IPP: variants seen among roughly 807,000 people sequenced by gnomAD.
The protein encoded by IPP is intracisternal A particle-promoted polypeptide.
A neutral mutation model predicts 64.1 loss-of-function variants in IPP; 41 were observed. That is an observed-to-expected ratio of 0.64 (90% confidence interval 0.50 to 0.83). The LOEUF (loss-of-function observed/expected upper bound fraction) is 0.83, where lower values mean the gene tolerates loss of function less well. IPP is among the 40% of genes least tolerant of loss of function. The pLI is 0.00. For missense variants in IPP, 649 were observed against 703.0 expected (o/e 0.92, Z 0.87); for synonymous variants, 214 against 235.2 (o/e 0.91, Z 0.83).
intron 8 of IPP, among the ~76,000 whole-genome samples, chr1:45,713,526 CT>C (rs1313850512): frequency 1.3e-5 from 2 of 151,196 alleles, no homozygotes; most frequent in Non-Finnish European, 2.9e-5. Context: ...TGCCACTGCA[CT>C]CCAGCTTGGG....
chr1:45,700,875 AT>A (rs1645441956), intron 8 of IPP, among the ~76,000 whole-genome samples: 1 of 152,194 alleles, frequency 6.6e-6, no homozygotes, highest in African/African-American at 2.4e-5. Context: ...AAACCAAAGG[AT>A]TTTTTAAAAG....
At chr1:45,740,397 G>A (rs1322562798) in intron 3 of IPP, among the ~76,000 whole-genome samples, 11 of 152,276 alleles carry the variant, frequency 7.2e-5, no homozygotes, top group South Asian at 2.1e-4. Context: ...CAGTAGGGGC[G>A]GCCGGGCAGA....
At chr1:45,728,126 C>G (rs913801774) in intron 4 of IPP, among the ~76,000 whole-genome samples, 2 of 132,234 alleles carry the variant, frequency 1.5e-5, no homozygotes, top group Non-Finnish European at 3.2e-5. Flanking sequence ...GAGTTGAAAG[C>G]TGTGTGTGTG....
chr1:45,714,806 T>TA (rs34910635), intron 7 of IPP, among the ~76,000 whole-genome samples: 109,234 of 152,004 alleles, frequency 0.72, 39,388 homozygotes, highest in African/African-American at 0.76. Flanking sequence ...TTTTTTTCCC[T>TA]AAAAATGTCA....
intron 5 of IPP, among the ~76,000 whole-genome samples, chr1:45,719,748 C>T (rs1394624886): frequency 3.3e-5 from 5 of 152,098 alleles, no homozygotes; most frequent in Admixed American, 2.0e-4. Context: ...TTTTTGGAGA[C>T]GGAGTCTCGC....
intron 8 of IPP, among the ~76,000 whole-genome samples, chr1:45,702,508 G>A (rs534605799): frequency 6.6e-6 from 1 of 152,296 alleles, no homozygotes; most frequent in East Asian, 1.9e-4. Context: ...AGGCTGGAGT[G>A]CAGTGACATG....
chr1:45,732,730 G>A (rs1210718296), intron 3 of IPP, among the ~76,000 whole-genome samples: 1 of 151,998 alleles, frequency 6.6e-6, no homozygotes, highest in Non-Finnish European at 1.5e-5. Context: ...GCAGTGGTGC[G>A]ATCTCAGCTC....
At chr1:45,736,951 G>A (rs1645989635) in intron 3 of IPP, among the ~76,000 whole-genome samples, 1 of 149,378 alleles carries the variant, frequency 6.7e-6, no homozygotes, top group African/African-American at 2.5e-5. Flanking sequence ...GCTGAGGCAG[G>A]AGAACGGCAT....
rs1451791201 is a variant in IPP, at chr1:45,699,381, A to G, written c.*585T>C. 8 of 985,002 alleles carry G rather than the reference A, an allele frequency of 8.1e-6. No individual in the cohort carries two copies. The East Asian group carries it at 7.9e-4, about 98-fold the overall frequency. 61.0% of individuals were successfully genotyped at this position (985,002 alleles called of 1,614,324 possible). A position where few individuals can be genotyped will look rare whatever the true frequency, so the allele number is the denominator to read the frequency against. On this transcript the variant is annotated 3_prime_UTR_variant, in exon 9 of 9. Coordinates refer to ENST00000396478, the MANE Select transcript of IPP (RefSeq NM_005897.3). ...TATAATTGTGAATATAGAGGTCTTT[A>G]AACTGTGTCATTGACACTATTCCTA...
chr1:45,740,822 T>G, intron 3 of IPP, 79 bp downstream of exon 3: 1 of 937,096 alleles, frequency 1.1e-6, no homozygotes, highest in Non-Finnish European at 1.6e-6. Flanking sequence ...AACCAAAAAA[T>G]GAAAACACTC....
intron 3 of IPP, among the ~76,000 whole-genome samples, chr1:45,740,449 G>T (rs922481086): frequency 3.3e-5 from 5 of 151,972 alleles, no homozygotes; most frequent in African/African-American, 1.2e-4. Context: ...GCCGGGCGGG[G>T]GGCTGAACCC....
chr1:45,727,142 T>G (rs1165313059), intron 5 of IPP, among the ~76,000 whole-genome samples: 1 of 152,104 alleles, frequency 6.6e-6, no homozygotes, highest in Non-Finnish European at 1.5e-5. Flanking sequence ...CTCTGCCTCC[T>G]GGGCTCAAGC....
At chr1:45,731,141 G>T (rs28433203) in intron 3 of IPP, among the ~76,000 whole-genome samples, 27,340 of 152,208 alleles carry the variant, frequency 0.18, 2,899 homozygotes, top group Non-Finnish European at 0.24. Flanking sequence ...CATGCCTCAG[G>T]CTAGAAAGAA....
chr1:45,714,222 A>G (rs1645627996), intron 8 of IPP, 24 bp downstream of exon 8: 1 of 1,488,894 alleles, frequency 6.7e-7, no homozygotes, highest in East Asian at 2.3e-5. Flanking sequence ...CAGGATACTA[A>G]ATATCTGAAA....
chr1:45,717,047 C>A, intron 6 of IPP, 30 bp from the exon 7 acceptor site: 1 of 1,605,520 alleles, frequency 6.2e-7, no homozygotes, highest in South Asian at 1.1e-5. Context: ...TGTTTGTTTC[C>A]GGGATAAAAG....
At position 45,698,724 on chromosome 1, in the gene IPP, T is replaced by TTTA; in HGVS notation, c.*1241_*1242insTAA. ...AAGGAAGAATTTTTTTTTCTTTTTT[T>TTTA]TTTTTTTTTTTTGAGACAGGTTCTC... On this transcript the variant is annotated 3_prime_UTR_variant, in exon 9 of 9. Coordinates refer to ENST00000396478, the MANE Select transcript of IPP (RefSeq NM_005897.3). The TTTA allele has an allele frequency of 2.3e-6, 1 of 436,968 alleles. No homozygotes were observed. The highest frequency in any genetic ancestry group is 2.7e-6 in the Non-Finnish European group (1 of 363,776). 27.1% of individuals were successfully genotyped at this position (436,968 alleles called of 1,614,324 possible).
intron 8 of IPP, among the ~76,000 whole-genome samples, chr1:45,713,262 T>C (rs1321146836): frequency 6.6e-6 from 1 of 150,770 alleles, no homozygotes; most frequent in Non-Finnish European, 1.5e-5. Flanking sequence ...ACCCTAACCA[T>C]AGAAAAAAAA....
chr1:45,695,556 T>G (rs1376529078), downstream of IPP, among the ~76,000 whole-genome samples: 1 of 152,082 alleles, frequency 6.6e-6, no homozygotes. Flanking sequence ...AAAAAAGAAT[T>G]AACAGAAAAC....
chr1:45,738,145 C>A (rs562392446), intron 3 of IPP, among the ~76,000 whole-genome samples: 1 of 152,266 alleles, frequency 6.6e-6, no homozygotes, highest in African/African-American at 2.4e-5. Flanking sequence ...TAAAGGGGGA[C>A]TACTGCACTT....
Sources: gnomAD v4.1 joint callset for allele counts (sites outside exome capture counted in the v4.1 genomes callset) on GRCh38, gnomAD v4.1.1 for gene constraint, MANE v1.5 for transcripts, NCBI Gene and HGNC (gene_info 2026-07-23, HGNC 2026-07-21) for gene names.